Variants in CLMN observed in about 807,000 individuals in gnomAD.
CLMN encodes calmin (calponin-like, transmembrane).
A neutral mutation model predicts 92.7 loss-of-function variants in CLMN; 57 were observed. That is an observed-to-expected ratio of 0.61 (90% CI 0.50 to 0.77). The LOEUF (loss-of-function observed/expected upper bound fraction) is 0.77, where lower values mean the gene tolerates loss of function less well. CLMN is among the 30% of genes least tolerant of loss of function. CLMN has a pLI of 0.00. For missense variants in CLMN, 1,158 were observed against 1,237.5 expected (o/e 0.94, Z 0.96); for synonymous variants, 466 against 470.6 (o/e 0.99, Z 0.13).
At chr14:95,316,340 G>A (rs1040467849) in intron 1 of CLMN, among the ~76,000 whole-genome samples, 1 of 152,244 alleles carries the variant, frequency 6.6e-6, no homozygotes, top group African/African-American at 2.4e-5. Flanking sequence ...GGTGGCACAG[G>A]CAGTCTGCCC....
rs1484341005 is a variant in CLMN at position 95,256,355 on chromosome 14, T to G, written c.83-26222A>C. On this transcript the variant is annotated intron_variant, in intron 1 of 12. Coordinates refer to ENST00000298912, the MANE Select transcript of CLMN (RefSeq NM_024734.4). This position sits in a 1 kb window ranked among gnomAD's most constrained non-coding sequence, Gnocchi z 4.9. ...TAATGGGATGGAACCCTCCTTGTTTTGTCAGCAACAATGAATCTTGGCTGA... is the reference window on the plus strand; with the variant it reads ...TAATGGGATGGAACCCTCCTTGTTTGGTCAGCAACAATGAATCTTGGCTGA... Among the ~76,000 whole-genome samples the G allele has an allele frequency of 6.6e-6, 1 of 152,240 alleles. No individual in the cohort carries two copies. Among genetic ancestry groups the G allele is most frequent in the Non-Finnish European group, 1.5e-5 (1 of 68,044 alleles).
intron 1 of CLMN, among the ~76,000 whole-genome samples, chr14:95,270,310 A>T (rs1899657250): frequency 6.6e-6 from 1 of 152,226 alleles, no homozygotes; most frequent in Non-Finnish European, 1.5e-5. Context: ...CATGCAATAT[A>T]ATACACCTAT....
In CLMN at chr14:95,215,664, A is replaced by C; in HGVS notation, c.394T>G (p.Trp132Gly). Residue 132 changes from tryptophan (W) to glycine (G), a missense_variant, in exon 5 of 13, where the codon TGG becomes GGG. Transcript: ENST00000298912. ...ACCTGGAAGAAGAGGATTATGTTCC[A>C]TATCAGCCCAAGAACCAAAGAAGGG... Reference protein sequence around the residue: ...GNPSLVLGLIWNIILFFQIKE... With the variant: ...GNPSLVLGLIGNIILFFQIKE... 6.2e-7 allele frequency: 1 copy of C among 1,614,094 alleles called. No individual in the cohort carries two copies. Among genetic ancestry groups the C allele is most frequent in the Non-Finnish European group, 8.5e-7 (1 of 1,179,920 alleles).
In CLMN at chr14:95,204,332, G is replaced by C. The variant is rs745676142; in HGVS notation, c.1017C>G (p.Asn339Lys). The C allele has an allele frequency of 2.2e-5, 36 of 1,614,016 alleles. 1 individual carries two copies. In the South Asian group the frequency reaches 4.0e-4, roughly 18 times the overall value. ...AGGGTGGTGGGTGGCTGGTTTCATG[G>C]TTAACAGTGTAGGTACGCTCCCCAT... ...TENGERTYTV[N>K]HETSHPPPSK... The change falls in exon 9 of 13, where the codon AAC becomes AAG. Residue 339 changes from asparagine to lysine, a missense_variant. Physicochemically the swap from Asn to Lys is moderately conservative, Grantham distance 94. Transcript: ENST00000298912.
intron 1 of CLMN, among the ~76,000 whole-genome samples, chr14:95,301,995 A>G (rs1387523203): frequency 6.6e-6 from 1 of 152,254 alleles, no homozygotes; most frequent in African/African-American, 2.4e-5. Context: ...CCACCACAAC[A>G]CTGAGCTATG....
intron 1 of CLMN, among the ~76,000 whole-genome samples, chr14:95,232,947 CAT>C (rs1474803415): frequency 6.6e-6 from 1 of 152,178 alleles, no homozygotes; most frequent in Non-Finnish European, 1.5e-5. Flanking sequence ...TGTGCACAAA[CAT>C]ATGAATATAT....
chr14:95,285,145 G>A (rs765379497), intron 1 of CLMN, among the ~76,000 whole-genome samples: 5 of 151,984 alleles, frequency 3.3e-5, no homozygotes, highest in Non-Finnish European at 7.4e-5. Context: ...ATTTTCTCTC[G>A]CCACCACCAT....
chr14:95,257,139 T>C (rs1347222690), intron 1 of CLMN, among the ~76,000 whole-genome samples: 7 of 152,232 alleles, frequency 4.6e-5, no homozygotes, highest in Non-Finnish European at 1.0e-4. Context: ...TAAATTAGAA[T>C]GCGTGATCTT....
chr14:95,278,377 GT>G (rs1900013269), intron 1 of CLMN, among the ~76,000 whole-genome samples: 1 of 152,094 alleles, frequency 6.6e-6, no homozygotes, highest in Non-Finnish European at 1.5e-5. Flanking sequence ...TTCTGAAAAA[GT>G]TTTTTCTTCT....
At chr14:95,312,848 A>G (rs1343721006) in intron 1 of CLMN, among the ~76,000 whole-genome samples, 1 of 152,172 alleles carries the variant, frequency 6.6e-6, no homozygotes, top group Non-Finnish European at 1.5e-5. Context: ...TCCAAGGCAG[A>G]GCAGCTGACT....
chr14:95,209,579 GT>G, intron 7 of CLMN, 102 bp from the exon 8 acceptor site: 2 of 938,160 alleles, frequency 2.1e-6, no homozygotes. Context: ...ATTATTGAAG[GT>G]TTTTTCTCTT....
intron 4 of CLMN, among the ~76,000 whole-genome samples, chr14:95,220,169 CT>C (rs767326601): frequency 5.6e-3 from 399 of 71,778 alleles, no homozygotes; most frequent in African/African-American, 0.015. Flanking sequence ...GGATAGGTCC[CT>C]TTTTTTTTTT....
At position 95,317,629 on chromosome 14, in the gene CLMN, T is replaced by C. The variant is rs141162896; in HGVS notation, c.82+2082A>G. On this transcript the variant is annotated intron_variant, in intron 1 of 12. Transcript: ENST00000298912. ...AAAAAAAAAAGGCCAGAGTACATAC[T>C]GTATGATCCAGTTGTATATCAGGTT... Among the ~76,000 whole-genome samples, 295 of 150,418 alleles carry C rather than the reference T, an allele frequency of 2.0e-3. 2 individuals carry two copies. The highest frequency in any genetic ancestry group is 6.9e-3 in the African/African-American group (283 of 41,020).
Position 95,262,947 on chromosome 14 carries a change from T to C in CLMN, c.83-32814A>G, listed in dbSNP as rs972896266. Among the ~76,000 whole-genome samples, 46 of 151,994 alleles carry C rather than the reference T, an allele frequency of 3.0e-4. 1 individual carries two copies. The highest frequency in any genetic ancestry group is 8.5e-4 in the Admixed American group (13 of 15,254). The stretch of plus-strand genomic sequence containing the variant: ...CCACGCAGCTTGTTCTTCTGGGAGG[T>C]AGGAGCAAAACTAGGCCATGGTCTC... On this transcript the variant is annotated intron_variant, in intron 1 of 12. Transcript: ENST00000298912.
intron 1 of CLMN, among the ~76,000 whole-genome samples, chr14:95,285,134 C>T (rs764905470): frequency 1.2e-4 from 18 of 152,156 alleles, no homozygotes; most frequent in Non-Finnish European, 2.5e-4. Flanking sequence ...GTTTCTTTCT[C>T]ATTTTCTCTC....
intron 1 of CLMN, among the ~76,000 whole-genome samples, chr14:95,261,035 T>C (rs1325930439): frequency 6.6e-6 from 1 of 152,016 alleles, no homozygotes; most frequent in Non-Finnish European, 1.5e-5. Flanking sequence ...TCACTAACAC[T>C]GAACTCATGG....
At chr14:95,248,548 T>C (rs1033129627) in intron 1 of CLMN, among the ~76,000 whole-genome samples, 1 of 152,194 alleles carries the variant, frequency 6.6e-6, no homozygotes, top group Non-Finnish European at 1.5e-5. Flanking sequence ...ATGTCACTCA[T>C]AGCATGTCCC....
chr14:95,193,955 C>T, intron 11 of CLMN, 36 bp from the exon 12 acceptor site: 4 of 1,607,408 alleles, frequency 2.5e-6, no homozygotes, highest in Non-Finnish European at 3.4e-6. Context: ...CCCCCGCAAC[C>T]CAATTAGTAA....
rs555765094 is a variant in CLMN at position 95,287,182 on chromosome 14, G to A, written c.82+32529C>T. On this transcript the variant is annotated intron_variant, in intron 1 of 12. Transcript: ENST00000298912. ...TGACTTTGCAAACCAGGGAAATCCT[G>A]TGATTTGAGCAACAAAGCTTACATC... Among the ~76,000 whole-genome samples, 241 of 152,318 alleles carry A rather than the reference G, an allele frequency of 1.6e-3. 1 individual carries two copies. Among genetic ancestry groups the A allele is most frequent in the African/African-American group, 5.7e-3 (235 of 41,572 alleles).
Sources: allele counts gnomAD v4.1 joint callset (sites outside exome capture counted in the v4.1 genomes callset), GRCh38; gene constraint gnomAD v4.1.1; non-coding constraint Gnocchi (gnomAD v3.1); transcripts MANE v1.5; gene names NCBI Gene and HGNC (gene_info 2026-07-23, HGNC 2026-07-21).